LHFPL4: variants seen among roughly 807,000 people sequenced by gnomAD.
LHFPL4 encodes LHFPL tetraspan subfamily member 4.
LHFPL4 carries 6 observed loss-of-function variants against 20.0 expected under a neutral mutation model. The observed-to-expected ratio is 0.30, with a 90% CI of 0.16 to 0.59. The LOEUF is 0.59. LHFPL4 is among the 20% of genes least tolerant of loss of function. The probability of loss-of-function intolerance (pLI) is 0.88; values close to 1 mark genes in which losing one functional copy is unlikely to be tolerated. For missense variants in LHFPL4, 215 were observed against 331.2 expected (o/e 0.65, Z 2.72); for synonymous variants, 129 against 143.8 (o/e 0.90, Z 0.74).
chr3:9,543,729 G>GGTT (rs370151965), intron 2 of LHFPL4, among the ~76,000 whole-genome samples: 1 of 119,652 alleles, frequency 8.4e-6, no homozygotes, highest in African/African-American at 3.2e-5. Flanking sequence ...TTTGGTTTTG[G>GGTT]TTTTTTTTTT....
At chr3:9,502,428 G>A (rs555104648) in intron 3 of LHFPL4, 117 bp from the exon 4 acceptor site, 20 of 755,220 alleles carry the variant, frequency 2.6e-5, no homozygotes, top group African/African-American at 1.5e-4. Context: ...GGGGCCGGGC[G>A]CGGTGGCTGA....
intron 2 of LHFPL4, among the ~76,000 whole-genome samples, chr3:9,537,852 GC>G (rs1236012019): frequency 6.6e-6 from 1 of 152,024 alleles, no homozygotes; most frequent in Non-Finnish European, 1.5e-5. Context: ...ATACAATGAT[GC>G]CTCAAATCGC....
rs1373974925 is a variant in LHFPL4 at position 9,506,454 on chromosome 3, C to T, written c.407-251G>A. 6.6e-6 allele frequency among the ~76,000 whole-genome samples: 1 copy of T among 152,186 alleles called. No homozygotes were observed. Among genetic ancestry groups the T allele is most frequent in the Non-Finnish European group, 1.5e-5 (1 of 68,032 alleles). ...CCCTCTCCCTTCCCCATGAGATCAA[C>T]TCCTCCTCCAGGAAGCATTCTGGGA... On this transcript the variant is annotated intron_variant, in intron 2 of 3. Coordinates refer to ENST00000287585, the MANE Select transcript of LHFPL4 (RefSeq NM_198560.3). The surrounding 1 kb of genome is among the most constrained non-coding windows in gnomAD (Gnocchi z 4.5).
chr3:9,530,868 G>C (rs528935655), intron 2 of LHFPL4, among the ~76,000 whole-genome samples: 37 of 152,158 alleles, frequency 2.4e-4, no homozygotes, highest in Non-Finnish European at 4.4e-4. Flanking sequence ...CAAAGTGCTG[G>C]GATAACAAGC....
chr3:9,511,529 T>G (rs1340902558), intron 2 of LHFPL4, among the ~76,000 whole-genome samples: 3 of 152,180 alleles, frequency 2.0e-5, no homozygotes, highest in African/African-American at 7.2e-5. Flanking sequence ...TAAACTCACA[T>G]TTTAACTTCG....
intron 2 of LHFPL4, among the ~76,000 whole-genome samples, chr3:9,509,708 G>T (rs2046244614): frequency 6.6e-6 from 1 of 152,218 alleles, no homozygotes; most frequent in South Asian, 2.1e-4. Context: ...GGCCCCAGAG[G>T]CCACTCCGGG....
At chr3:9,508,227 A>T (rs6803438) in intron 2 of LHFPL4, among the ~76,000 whole-genome samples, 3,214 of 152,020 alleles carry the variant, frequency 0.021, 110 homozygotes, top group African/African-American at 0.072. Context: ...CCTCCTTCTC[A>T]TCGTGGCACT....
rs1369614998 is a variant in LHFPL4 at position 9,552,578 on chromosome 3, G to A, written c.102C>T (p.Ala34=). Residue 34 remains alanine (A), a synonymous_variant, in exon 2 of 4, where the codon GCC becomes GCT. Transcript: ENST00000287585. ...GGATGAAGACCACCACGTTGATGAT[G>A]GCGAAGCAGATGGTGAAGATGGCCC... ...VLWAIFTICF[A]IINVVVFIQP... is the part of the protein sequence containing the mutation. The A allele has an allele frequency of 1.9e-6, 3 of 1,613,992 alleles. No individual in the cohort carries two copies. Among genetic ancestry groups the A allele is most frequent in the South Asian group, 2.2e-5 (2 of 91,092 alleles).
At chr3:9,543,459 C>T (rs1312343514) in intron 2 of LHFPL4, among the ~76,000 whole-genome samples, 1 of 151,582 alleles carries the variant, frequency 6.6e-6, no homozygotes, top group African/African-American at 2.4e-5. Context: ...GAGATCGCAC[C>T]ACTGCACTCC....
chr3:9,545,287 G>A lies in LHFPL4; in HGVS notation c.406+6987C>T, dbSNP rs183313088. ...CAGAGGAAAGAGGGAGAGGAGGAGG[G>A]AAAGCGGAAAGAAATTCTCTCAATG... On this transcript the variant is annotated intron_variant, in intron 2 of 3. Coordinates refer to ENST00000287585, the MANE Select transcript of LHFPL4 (RefSeq NM_198560.3). Among the ~76,000 whole-genome samples the A allele has an allele frequency of 5.5e-4, 84 of 151,818 alleles. 1 individual carries two copies. Among genetic ancestry groups the A allele is most frequent in the Admixed American group, 9.2e-4 (14 of 15,236 alleles).
At chr3:9,503,224 G>A (rs986159678) in intron 3 of LHFPL4, among the ~76,000 whole-genome samples, 2 of 152,124 alleles carry the variant, frequency 1.3e-5, no homozygotes, top group African/African-American at 4.8e-5. Context: ...CTGAAGGGAG[G>A]AAAACTGGGG....
rs1224021970 is a variant in LHFPL4 at position 9,500,761 on chromosome 3, A to C, written c.*1450T>G. On this transcript the variant is annotated 3_prime_UTR_variant, in exon 4 of 4. Coordinates refer to ENST00000287585, the MANE Select transcript of LHFPL4 (RefSeq NM_198560.3). ...CTGCACCAGCAACTAGTGCTGAGGG[A>C]GCTGTCCAGGCCCCAGGGCAGGGAG... 1 of 152,190 alleles carries C rather than the reference A, an allele frequency of 6.6e-6. No homozygotes were observed. Among genetic ancestry groups the C allele is most frequent in the Non-Finnish European group, 1.5e-5 (1 of 68,058 alleles). 9.4% of individuals were successfully genotyped at this position (152,190 alleles called of 1,614,324 possible).
intron 2 of LHFPL4, among the ~76,000 whole-genome samples, chr3:9,511,871 G>C (rs2046263161): frequency 6.6e-6 from 1 of 151,972 alleles, no homozygotes; most frequent in Admixed American, 6.5e-5. Flanking sequence ...TGGTGTTTGG[G>C]AAACACACCC....
intron 2 of LHFPL4, among the ~76,000 whole-genome samples, chr3:9,548,185 G>T (rs1228631827): frequency 6.6e-6 from 1 of 152,090 alleles, no homozygotes; most frequent in South Asian, 2.1e-4. Flanking sequence ...TTGGACAAAT[G>T]ACTTTTTCCT....
chr3:9,549,581 C>G (rs1442383609), intron 2 of LHFPL4, among the ~76,000 whole-genome samples: 1 of 152,156 alleles, frequency 6.6e-6, no homozygotes, highest in Non-Finnish European at 1.5e-5. Context: ...CCTGTGATCC[C>G]AGCTACTCAG....
At chr3:9,525,355 T>A (rs1195421194) in intron 2 of LHFPL4, among the ~76,000 whole-genome samples, 1 of 152,234 alleles carries the variant, frequency 6.6e-6, no homozygotes, top group Non-Finnish European at 1.5e-5. Context: ...TTCCCTTGCC[T>A]GGGCATTGGT....
At chr3:9,545,648 G>A (rs2046507022) in intron 2 of LHFPL4, among the ~76,000 whole-genome samples, 1 of 152,078 alleles carries the variant, frequency 6.6e-6, no homozygotes, top group African/African-American at 2.4e-5. Flanking sequence ...CCCAGGAGGT[G>A]GAGGTTGCAG....
At chr3:9,519,576 T>C (rs1285937177) in intron 2 of LHFPL4, among the ~76,000 whole-genome samples, 1 of 152,174 alleles carries the variant, frequency 6.6e-6, no homozygotes, top group East Asian at 1.9e-4. Context: ...CTCTCTTTTT[T>C]TGAGACAGAA....
chr3:9,540,478 G>A (rs1237654926), intron 2 of LHFPL4, among the ~76,000 whole-genome samples: 1 of 152,212 alleles, frequency 6.6e-6, no homozygotes, highest in Admixed American at 6.5e-5. Flanking sequence ...AAGTGATGGT[G>A]TGTGATGTCT....
Sources: allele counts gnomAD v4.1 joint callset (sites outside exome capture counted in the v4.1 genomes callset), GRCh38; gene constraint gnomAD v4.1.1; non-coding constraint Gnocchi (gnomAD v3.1); transcripts MANE v1.5; gene names NCBI Gene and HGNC (gene_info 2026-07-23, HGNC 2026-07-21).